Variants in KCNAB1 observed in about 807,000 individuals in gnomAD.
The protein encoded by KCNAB1 is potassium voltage-gated channel subfamily A regulatory beta subunit 1.
KCNAB1 carries 35 observed loss-of-function variants against 64.6 expected under a neutral mutation model. That is an observed-to-expected ratio of 0.54 (90% CI 0.41 to 0.72). KCNAB1 has a LOEUF of 0.72. Among genes scored for constraint, KCNAB1 ranks in the 30% least tolerant of loss-of-function variants. The pLI is 0.00. For missense variants in KCNAB1, 401 were observed against 512.9 expected (o/e 0.78, Z 2.11); for synonymous variants, 177 against 183.8 (o/e 0.96, Z 0.30).
At chr3:156,515,371 G>A in intron 10 of KCNAB1, 151 bp downstream of exon 10, 1 of 711,774 alleles carries the variant, frequency 1.4e-6, no homozygotes, top group East Asian at 3.1e-5. Flanking sequence ...AGAGATTGTA[G>A]CAGAATCAAA....
chr3:156,346,211 C>T (rs187195379), intron 1 of KCNAB1, among the ~76,000 whole-genome samples: 4 of 152,078 alleles, frequency 2.6e-5, no homozygotes, highest in Admixed American at 1.3e-4. Context: ...TTCTTGCAGA[C>T]ACCTAAAGGG....
At chr3:156,284,921 C>T (rs149163421) in intron 1 of KCNAB1, among the ~76,000 whole-genome samples, 8 of 152,312 alleles carry the variant, frequency 5.3e-5, no homozygotes, top group East Asian at 3.9e-4. Flanking sequence ...AGAAATCACC[C>T]GTCTTCGTCG....
At chr3:156,163,758 G>A (rs1577659031) in intron 1 of KCNAB1, among the ~76,000 whole-genome samples, 1 of 152,136 alleles carries the variant, frequency 6.6e-6, no homozygotes, top group African/African-American at 2.4e-5. Flanking sequence ...CTTTTGCTGG[G>A]TGTAAACACA....
At chr3:156,190,967 A>G (rs1198639438) in intron 1 of KCNAB1, among the ~76,000 whole-genome samples, 2 of 152,226 alleles carry the variant, frequency 1.3e-5, no homozygotes, top group African/African-American at 4.8e-5. Context: ...TGCTGGGATT[A>G]CAGGCGTGAA....
chr3:156,279,212 C>CTCATA (rs1719545712), intron 1 of KCNAB1, among the ~76,000 whole-genome samples: 1 of 148,850 alleles, frequency 6.7e-6, no homozygotes, highest in African/African-American at 2.5e-5. Context: ...TGAGAATATG[C>CTCATA]GGTGTTTGGT....
chr3:156,281,169 C>T (rs199852091), intron 1 of KCNAB1, among the ~76,000 whole-genome samples: 2,769 of 146,106 alleles, frequency 0.019, 101 homozygotes, highest in South Asian at 0.16. Flanking sequence ...GAGTTTTTAG[C>T]ATGAAGGGTT....
At chr3:156,173,725 C>G (rs915234550) in intron 1 of KCNAB1, among the ~76,000 whole-genome samples, 5 of 152,216 alleles carry the variant, frequency 3.3e-5, no homozygotes, top group African/African-American at 1.2e-4. Flanking sequence ...GACAGGGCCA[C>G]AGGGTGCCCA....
At chr3:156,460,417 G>A (rs2280561) in intron 5 of KCNAB1, 85,484 of 152,206 alleles carry the variant, frequency 0.56, 25,140 homozygotes, top group African/African-American at 0.74. Context: ...TGAGAAACAT[G>A]AGGGGCTGTG....
intron 1 of KCNAB1, among the ~76,000 whole-genome samples, chr3:156,215,202 A>G (rs1389564005): frequency 2.0e-5 from 3 of 152,208 alleles, no homozygotes; most frequent in African/African-American, 7.2e-5. Flanking sequence ...GAAGTTAGGT[A>G]ACTTGCAGAA....
At chr3:156,257,002 T>C (rs1718136120) in intron 1 of KCNAB1, among the ~76,000 whole-genome samples, 1 of 152,220 alleles carries the variant, frequency 6.6e-6, no homozygotes, top group Admixed American at 6.5e-5. Flanking sequence ...CCCTTTAGGC[T>C]GAGAGGTGGT....
At chr3:156,183,263 T>C (rs1302532139) in intron 1 of KCNAB1, among the ~76,000 whole-genome samples, 1 of 151,508 alleles carries the variant, frequency 6.6e-6, no homozygotes, top group Non-Finnish European at 1.5e-5. Context: ...CAGAGCCAAA[T>C]TGAGGGAGGT....
intron 2 of KCNAB1, among the ~76,000 whole-genome samples, chr3:156,436,866 G>T (rs962982251): frequency 1.3e-5 from 2 of 152,124 alleles, no homozygotes. Context: ...TGTTCTGTAG[G>T]TTGTCTGTTC....
intron 1 of KCNAB1, among the ~76,000 whole-genome samples, chr3:156,328,738 A>G (rs1399422881): frequency 6.6e-6 from 1 of 152,204 alleles, no homozygotes; most frequent in Non-Finnish European, 1.5e-5. Flanking sequence ...AGAGTGCAGT[A>G]TAGCGTAGAA....
At chr3:156,160,260 G>T (rs1291574345) in intron 1 of KCNAB1, among the ~76,000 whole-genome samples, 1 of 152,214 alleles carries the variant, frequency 6.6e-6, no homozygotes, top group Non-Finnish European at 1.5e-5. Flanking sequence ...TTTAAATCTT[G>T]CTAGGTGAGT....
At chr3:156,246,532 G>A (rs1436551450) in intron 1 of KCNAB1, among the ~76,000 whole-genome samples, 1 of 151,456 alleles carries the variant, frequency 6.6e-6, no homozygotes, top group African/African-American at 2.4e-5. Context: ...GAACCCGAGA[G>A]GCAGAGGTTG....
At chr3:156,369,208 G>A (rs1023081300) in intron 1 of KCNAB1, among the ~76,000 whole-genome samples, 14 of 152,262 alleles carry the variant, frequency 9.2e-5, no homozygotes, top group African/African-American at 2.9e-4. Flanking sequence ...TTTTCAGAAT[G>A]TATCATTTTA....
rs1404284099 is a variant in KCNAB1 at position 156,474,606 on chromosome 3, A to G, written c.572-128A>G. On this transcript the variant is annotated intron_variant, in intron 7 of 13. Transcript: ENST00000490337. ...TCTAGAGTCAATTAACAATCATTGT[A>G]TTCAACGCATTTTTGAAACTATTCC... The G allele has an allele frequency of 9.5e-6, 6 of 632,358 alleles. No homozygotes were observed. In the East Asian group the frequency reaches 1.7e-4, roughly 18 times the overall value. The allele number at this position is 632,358 out of a possible 1,614,324, so 39.2% of individuals were successfully genotyped here.
At chr3:156,158,213 A>G (rs897064177) in intron 1 of KCNAB1, among the ~76,000 whole-genome samples, 1 of 144,738 alleles carries the variant, frequency 6.9e-6, no homozygotes, top group African/African-American at 2.4e-5. Flanking sequence ...TAAATAAATA[A>G]ATAAATAAAT....
intron 1 of KCNAB1, chr3:156,292,051 C>T (rs748756556): frequency 1.1e-5 from 18 of 1,614,208 alleles, no homozygotes; most frequent in Non-Finnish European, 1.3e-5. Context: ...TCATCGCGCG[C>T]AGCCTGGGGA....
Sources: allele counts gnomAD v4.1 joint callset (sites outside exome capture counted in the v4.1 genomes callset), GRCh38; gene constraint gnomAD v4.1.1; transcripts MANE v1.5; gene names NCBI Gene and HGNC (gene_info 2026-07-23, HGNC 2026-07-21).